Variants in MDFIC observed in about 807,000 individuals in gnomAD.
MDFIC encodes myoD family inhibitor domain-containing protein.
In MDFIC, 17 loss-of-function variants were observed where a neutral mutation model predicts 23.2. That is an observed-to-expected ratio of 0.73 (90% CI 0.50 to 1.10). The LOEUF is 1.10. Among genes scored for constraint, MDFIC ranks in the 50% least tolerant of loss-of-function variants. MDFIC has a pLI of 0.00. For missense variants in MDFIC, 356 were observed against 316.6 expected, an observed-to-expected ratio of 1.12 and a Z score of -0.95; for synonymous variants, 120 against 115.2, an observed-to-expected ratio of 1.04 and a Z score of -0.27.
Position 115,016,115 on chromosome 7 carries a change from A to C in MDFIC, c.*180A>C. The C allele has an allele frequency of 1.7e-6, 1 of 605,482 alleles. No homozygotes were observed. Among genetic ancestry groups the C allele is most frequent in the Non-Finnish European group, 2.8e-6 (1 of 359,390 alleles). 37.5% of individuals were successfully genotyped at this position (605,482 alleles called of 1,614,324 possible). On this transcript the variant is annotated 3_prime_UTR_variant, in exon 5 of 5. Coordinates refer to ENST00000393486, the MANE Select transcript of MDFIC (RefSeq NM_001166345.3). ...CCAAATCTACATGGTTTAATATGTG[A>C]AATTTTAACTACTTTAACTAGTTTT...
intron 4 of MDFIC, among the ~76,000 whole-genome samples, chr7:115,010,720 A>T (rs1417029080): frequency 6.6e-6 from 1 of 152,212 alleles, no homozygotes; most frequent in Non-Finnish European, 1.5e-5. Flanking sequence ...ATATTTACAT[A>T]AATAGCTACT....
Position 115,015,897 on chromosome 7 carries a change from A to C in MDFIC, c.703A>C (p.Ile235Leu), listed in dbSNP as rs756941621. ...ACCESSDCLE[I>L]CMECCGICFP... ...TTGTGAATCATCAGACTGCTTGGAA[A>C]TCTGTATGGAATGCTGTGGAATTTG... is the stretch of plus-strand genomic sequence containing the variant. The change falls in exon 5 of 5, where the codon ATC (isoleucine) becomes CTC (leucine). Residue 235 changes from isoleucine (I) to leucine (L), a missense_variant. By Grantham distance (5) the Ile-to-Leu change is conservative. Transcript: ENST00000393486. 6.2e-7 allele frequency: 1 copy of C among 1,614,148 alleles called. No homozygotes were observed. Among genetic ancestry groups the C allele is most frequent in the Admixed American group, 1.7e-5 (1 of 60,022 alleles).
At chr7:114,976,747 G>A (rs2115944783) in intron 3 of MDFIC, among the ~76,000 whole-genome samples, 1 of 152,188 alleles carries the variant, frequency 6.6e-6, no homozygotes, top group African/African-American at 2.4e-5. Flanking sequence ...TAATAAATGA[G>A]TAGAATATTT....
intron 3 of MDFIC, among the ~76,000 whole-genome samples, chr7:114,961,611 A>G (rs1218573776): frequency 6.6e-6 from 1 of 152,190 alleles, no homozygotes; most frequent in Non-Finnish European, 1.5e-5. Flanking sequence ...TGCATGCTGT[A>G]CAGAAAGCAC....
chr7:114,930,308 T>C (rs961147479), intron 2 of MDFIC, among the ~76,000 whole-genome samples: 6 of 151,972 alleles, frequency 3.9e-5, no homozygotes, highest in African/African-American at 1.5e-4. Context: ...AGGGTGGAAG[T>C]GATGAGAGGA....
At chr7:114,973,397 A>G (rs1297120856) in intron 3 of MDFIC, among the ~76,000 whole-genome samples, 1 of 152,090 alleles carries the variant, frequency 6.6e-6, no homozygotes, top group African/African-American at 2.4e-5. Flanking sequence ...AACTGCAAAA[A>G]ACAAAGTATA....
At chr7:114,959,788 T>C (rs1792950587) in intron 3 of MDFIC, among the ~76,000 whole-genome samples, 1 of 150,884 alleles carries the variant, frequency 6.6e-6, no homozygotes, top group Non-Finnish European at 1.5e-5. Context: ...ACACCTGTGG[T>C]AAGCCAATTA....
chr7:114,975,968 T>G (rs1474748751), intron 3 of MDFIC, among the ~76,000 whole-genome samples: 1 of 152,112 alleles, frequency 6.6e-6, no homozygotes, highest in Non-Finnish European at 1.5e-5. Context: ...TAATGTACTA[T>G]TATTTATCTG....
intron 3 of MDFIC, among the ~76,000 whole-genome samples, chr7:114,957,401 TG>T (rs1413912271): frequency 3.9e-5 from 6 of 152,178 alleles, no homozygotes; most frequent in African/African-American, 1.2e-4. Flanking sequence ...TGTTTGTAGA[TG>T]TATTGGAAAT....
At position 115,017,158 on chromosome 7, in the gene MDFIC, C is replaced by G. The variant is rs1791812365; in HGVS notation, c.*1223C>G. 6.6e-6 allele frequency: 1 copy of G among 152,114 alleles called. No individual in the cohort carries two copies. Among genetic ancestry groups the G allele is most frequent in the East Asian group, 1.9e-4 (1 of 5,194 alleles). The allele number at this position is 152,114 out of a possible 1,614,324, so 9.4% of individuals were successfully genotyped here. ...TTAAAAGAACAGTGCCTTCAGCATA[C>G]TTTTTTATTAGTTGTAGGAATACAG... On this transcript the variant is annotated 3_prime_UTR_variant, in exon 5 of 5. Transcript: ENST00000393486.
At chr7:114,987,433 T>C (rs1793533750) in intron 4 of MDFIC, among the ~76,000 whole-genome samples, 1 of 152,154 alleles carries the variant, frequency 6.6e-6, no homozygotes, top group South Asian at 2.1e-4. Context: ...CAGAAACAAA[T>C]TTTCTGTGAC....
chr7:114,995,563 A>C (rs1585118167), intron 4 of MDFIC, among the ~76,000 whole-genome samples: 2 of 152,192 alleles, frequency 1.3e-5, no homozygotes, highest in Admixed American at 1.3e-4. Context: ...TCCTTCTAAC[A>C]GTCAGGACCC....
chr7:114,941,901 C>T (rs773808183), intron 2 of MDFIC, among the ~76,000 whole-genome samples: 3 of 152,188 alleles, frequency 2.0e-5, no homozygotes, highest in Non-Finnish European at 4.4e-5. Context: ...ATCAGAGCTT[C>T]TTCTCTTTCA....
chr7:114,983,892 G>A (rs1793463133), intron 4 of MDFIC, among the ~76,000 whole-genome samples: 1 of 151,988 alleles, frequency 6.6e-6, no homozygotes, highest in African/African-American at 2.4e-5. Flanking sequence ...TGTGCTACTT[G>A]CTTCTCTCAC....
intron 4 of MDFIC, among the ~76,000 whole-genome samples, chr7:114,992,755 A>T (rs1418149057): frequency 1.3e-5 from 2 of 152,140 alleles, no homozygotes; most frequent in Non-Finnish European, 2.9e-5. Flanking sequence ...GTTTGCCAGT[A>T]TTTTACTGAG....
intron 2 of MDFIC, among the ~76,000 whole-genome samples, chr7:114,926,086 T>C (rs1214448921): frequency 1.3e-5 from 2 of 152,168 alleles, no homozygotes; most frequent in Non-Finnish European, 2.9e-5. Context: ...TGTCCTGGTT[T>C]GATTAAACAT....
Position 114,931,863 on chromosome 7 carries a change from C to T in MDFIC, c.94+8736C>T, listed in dbSNP as rs1043234871. 9.2e-5 allele frequency among the ~76,000 whole-genome samples: 14 copies of T among 152,274 alleles called. 1 individual carries two copies. The Middle Eastern group carries it at 0.02, about 222-fold the overall frequency. ...GAAACTAAGGTATCTTGTGGTCGAG[C>T]AGGTGACAGGCTCTCTGAAACTAGG... is the stretch of plus-strand genomic sequence containing the variant. On this transcript the variant is annotated intron_variant, in intron 2 of 4. Transcript: ENST00000393486.
At chr7:114,945,814 TTC>T (rs1296730094) in intron 3 of MDFIC, among the ~76,000 whole-genome samples, 7 of 152,172 alleles carry the variant, frequency 4.6e-5, no homozygotes, top group Admixed American at 2.0e-4. Flanking sequence ...TAATTGGAAA[TTC>T]TCTTTTTTTA....
intron 2 of MDFIC, among the ~76,000 whole-genome samples, chr7:114,936,557 T>TA (rs568088461): frequency 3.7e-4 from 55 of 149,456 alleles, no homozygotes; most frequent in East Asian, 5.9e-4. Context: ...GATTTATGTT[T>TA]AAAAAAAAAA....
Sources: gnomAD v4.1 joint callset for allele counts (sites outside exome capture counted in the v4.1 genomes callset) on GRCh38, gnomAD v4.1.1 for gene constraint, MANE v1.5 for transcripts, NCBI Gene and HGNC (gene_info 2026-07-23, HGNC 2026-07-21) for gene names.